The following VCP variants were observed in gnomAD, a reference collection of about 807,000 sequenced individuals.
VCP encodes transitional endoplasmic reticulum ATPase.
In VCP, 6 loss-of-function variants were observed where a neutral mutation model predicts 85.7. The ratio of observed to expected loss-of-function variants is 0.07; its 90% CI spans 0.04 to 0.14. The LOEUF is 0.14. Among genes scored for constraint, VCP ranks in the 10% least tolerant of loss-of-function variants. The pLI is 1.00. For missense variants in VCP, 353 were observed against 1,043.4 expected, an observed-to-expected ratio of 0.34 and a Z score of 9.12; for synonymous variants, 384 against 367.1, an observed-to-expected ratio of 1.05 and a Z score of -0.53.
At chr9:35,057,591 G>A in intron 15 of VCP, 61 bp from the exon 16 acceptor site, 1 of 1,598,018 alleles carries the variant, frequency 6.3e-7, no homozygotes, top group Non-Finnish European at 8.5e-7. Context: ...TTTCATCCCA[G>A]GCCTCCCATT....
chr9:35,057,639 C>T (rs1334622439), intron 15 of VCP, 109 bp from the exon 16 acceptor site: 4 of 1,451,580 alleles, frequency 2.8e-6, no homozygotes, highest in Admixed American at 1.7e-5. Context: ...TCCAATCCAA[C>T]CTGAGGTAAG....
At chr9:35,060,945 G>A in intron 11 of VCP, 22 bp from the exon 12 acceptor site, 8 of 1,614,200 alleles carry the variant, frequency 5.0e-6, no homozygotes, top group Non-Finnish European at 6.8e-6. Flanking sequence ...GGGAAAACTG[G>A]GGATGAGACT....
In VCP at chr9:35,063,163, A is replaced by C. The variant is rs1458028208; in HGVS notation, c.709-83T>G. On this transcript the variant is annotated intron_variant, in intron 6 of 16. Transcript: ENST00000358901. ...CTTGACTAGCGCTCCAGAGAGGGTG[A>C]GAATCAGGCTTCAACCCTGACAATA... 13 of 1,232,614 alleles carry C rather than the reference A, an allele frequency of 1.1e-5. 1 individual carries two copies. The highest frequency in any genetic ancestry group is 1.6e-5 in the Non-Finnish European group (13 of 836,390). The allele number at this position is 1,232,614 out of a possible 1,614,324, so 76.4% of individuals were successfully genotyped here. A position where few individuals can be genotyped will look rare whatever the true frequency, so the allele number is the denominator to read the frequency against.
Position 35,060,531 on chromosome 9 carries a change from A to T in VCP, c.1483-6T>A, listed in dbSNP as rs763649722. On this transcript the variant is annotated splice_region_variant and splice_polypyrimidine_tract_variant and intron_variant, in intron 12 of 16. Coordinates refer to ENST00000358901, the MANE Select transcript of VCP (RefSeq NM_007126.5). Reference sequence around the variant, plus strand: ...TCTGGGTGCTCCACAGGATACTAGGAGGAAAAGGAAAGAGGGTTCAAGGCT... The same window carrying T: ...TCTGGGTGCTCCACAGGATACTAGGTGGAAAAGGAAAGAGGGTTCAAGGCT... The T allele has an allele frequency of 1.2e-6, 2 of 1,613,776 alleles. No homozygotes were observed. The highest frequency in any genetic ancestry group is 3.3e-5 in the Admixed American group (2 of 60,028).
intron 5 of VCP, among the ~76,000 whole-genome samples, chr9:35,064,679 G>A (rs1828793025): frequency 1.3e-5 from 2 of 152,200 alleles, no homozygotes; most frequent in African/African-American, 4.8e-5. Flanking sequence ...GAAACCCTGG[G>A]AATGGGCAGA....
At chr9:35,060,181 A>G (rs1278135590) in intron 13 of VCP, 132 bp downstream of exon 13, 1 of 999,302 alleles carries the variant, frequency 1.0e-6, no homozygotes, top group Non-Finnish European at 1.5e-6. Flanking sequence ...CAGACCTCAG[A>G]AAGAAAATCA....
At chr9:35,064,669 G>C (rs1828792855) in intron 5 of VCP, among the ~76,000 whole-genome samples, 1 of 152,192 alleles carries the variant, frequency 6.6e-6, no homozygotes, top group Non-Finnish European at 1.5e-5. Flanking sequence ...TCTGAAGCTG[G>C]AAACCCTGGG....
intron 15 of VCP, chr9:35,057,951 T>C: frequency 6.6e-6 from 2 of 303,564 alleles, no homozygotes; most frequent in South Asian, 6.0e-5. Context: ...TAAAAGGAAA[T>C]GCCAATGGCT....
rs2131026632 is a variant in VCP, at chr9:35,057,480, T to C, written c.2211A>G (p.Glu737=). ...AACGGCGCGCAAAGCGCATGGCTTC[T>C]TCAAAGTGATCTCGACGGATCTCAG... ...PVPEIRRDHF[E]EAMRFARRSV... The change falls in exon 16 of 17, where the codon GAA becomes GAG. Residue 737 remains glutamate, a synonymous_variant. Coordinates refer to ENST00000358901, the MANE Select transcript of VCP (RefSeq NM_007126.5). The C allele has an allele frequency of 6.2e-7, 1 of 1,614,000 alleles. No individual in the cohort carries two copies. Among genetic ancestry groups the C allele is most frequent in the Middle Eastern group, 1.6e-4 (1 of 6,062 alleles).
intron 6 of VCP, among the ~76,000 whole-genome samples, chr9:35,063,652 G>T (rs1003587133): frequency 1.3e-5 from 2 of 152,202 alleles, no homozygotes; most frequent in African/African-American, 4.8e-5. Context: ...AGGAAAATGA[G>T]TAACTTCATC....
chr9:35,065,401 A>C lies in VCP; in HGVS notation c.446-20T>G. The stretch of plus-strand genomic sequence containing the variant: ...TGTCTCCTGCGAGAGCAAACAGTAC[A>C]AGCACAGTTAGAGGTGTCAACTACA... On this transcript the variant is annotated intron_variant, in intron 4 of 16. Transcript: ENST00000358901. 6.2e-7 allele frequency: 1 copy of C among 1,614,000 alleles called. No homozygotes were observed. Among genetic ancestry groups the C allele is most frequent in the Non-Finnish European group, 8.5e-7 (1 of 1,179,928 alleles).
At position 35,066,778 on chromosome 9, in the gene VCP, G is replaced by A. The variant is rs1412352149; in HGVS notation, c.342C>T (p.Ile114=). The change falls in exon 4 of 17, where the codon ATC becomes ATT. Residue 114 remains isoleucine (I), a synonymous_variant. Transcript: ENST00000358901. ...PCPDVKYGKR[I]HVLPIDDTVE... ...CTGTGTCATCAATGGGCAGCACATG[G>A]ATACGTTTGCCGTACTTCACATCAG... 1 of 1,614,020 alleles carries A rather than the reference G, an allele frequency of 6.2e-7. No homozygotes were observed. The highest frequency in any genetic ancestry group is 1.3e-5 in the African/African-American group (1 of 74,906).
intron 3 of VCP, 117 bp downstream of exon 3, chr9:35,067,774 G>A (rs949790875): frequency 7.4e-7 from 1 of 1,342,526 alleles, no homozygotes; most frequent in Non-Finnish European, 1.1e-6. Context: ...TGACCAGGAG[G>A]CTTCCTGCAT....
At chr9:35,071,287 G>A (rs1481090461) in intron 1 of VCP, among the ~76,000 whole-genome samples, 3 of 136,166 alleles carry the variant, frequency 2.2e-5, no homozygotes, top group East Asian at 4.1e-4. Context: ...TCCTTGGGCT[G>A]GCTGTGTTTT....
At chr9:35,067,764 T>A in intron 3 of VCP, 127 bp downstream of exon 3, 1 of 1,265,428 alleles carries the variant, frequency 7.9e-7, no homozygotes, top group Non-Finnish European at 1.1e-6. Flanking sequence ...AGTCTTCCCA[T>A]GACCAGGAGG....
In VCP at chr9:35,069,444, CTTTTTTTTTT is replaced by C. The variant is rs35498216; in HGVS notation, c.18-1092_18-1083del. Reference sequence around the variant, plus strand: ...ACTAGACTCAGCAAGCTCCCTCTCCCTTTTTTTTTTTTTTTTTTTTTTTTTGAGATGGAGT... The same window carrying C: ...ACTAGACTCAGCAAGCTCCCTCTCCCTTTTTTTTTTTTTTTGAGATGGAGT... On this transcript the variant is annotated intron_variant, in intron 1 of 16. Transcript: ENST00000358901. Among the ~76,000 whole-genome samples the C allele has an allele frequency of 2.9e-4, 28 of 96,104 alleles. No individual in the cohort carries two copies. The East Asian group carries it at 3.3e-3, about 11-fold the overall frequency. The allele number at this position is 96,104 out of a possible 152,430, so 63.0% of individuals were successfully genotyped here.
At chr9:35,071,897 C>G (rs1828955252) in intron 1 of VCP, 3 of 1,000,508 alleles carry the variant, frequency 3.0e-6, no homozygotes, top group South Asian at 4.1e-5. Flanking sequence ...CCACCGGGCC[C>G]GGCTGGGGCC....
At chr9:35,066,638 A>C (rs1828838583) in intron 4 of VCP, 37 bp downstream of exon 4, 1 of 1,611,750 alleles carries the variant, frequency 6.2e-7, no homozygotes, top group African/African-American at 1.3e-5. Context: ...TTTATTCCCT[A>C]CAGTCAATAA....
intron 6 of VCP, 70 bp downstream of exon 6, chr9:35,064,084 G>T: frequency 1.6e-5 from 25 of 1,607,176 alleles, no homozygotes; most frequent in Non-Finnish European, 2.0e-5. Flanking sequence ...ACAGTCCCAG[G>T]ATTAGACATT....
Sources: allele counts gnomAD v4.1 joint callset (sites outside exome capture counted in the v4.1 genomes callset), GRCh38; gene constraint gnomAD v4.1.1; transcripts MANE v1.5; gene names NCBI Gene and HGNC (gene_info 2026-07-23, HGNC 2026-07-21).